The following ANK3 variants were observed in gnomAD, a reference collection of about 807,000 sequenced individuals.
The protein encoded by ANK3 is ankyrin-3.
Under a neutral mutation model 370.9 loss-of-function variants are expected in ANK3, and 57 were observed. The observed-to-expected ratio is 0.15, with a 90% CI of 0.12 to 0.19. The LOEUF (loss-of-function observed/expected upper bound fraction) is 0.19, where lower values mean the gene tolerates loss of function less well. Ranked by LOEUF, ANK3 falls within the 10% of genes least tolerant of loss-of-function variation. The pLI is 1.00. For missense variants in ANK3, 4,439 were observed against 5,302.1 expected, an observed-to-expected ratio of 0.84 and a Z score of 5.06; for synonymous variants, 1,929 against 1,946.3, an observed-to-expected ratio of 0.99 and a Z score of 0.23.
Position 60,483,776 on chromosome 10 carries a change from C to T in ANK3, c.96+131410G>A, listed in dbSNP as rs12218048. 6.0e-4 allele frequency among the ~76,000 whole-genome samples: 92 copies of T among 152,286 alleles called. No homozygotes were observed. In the East Asian group the frequency reaches 0.017, roughly 28 times the overall value. The stretch of plus-strand genomic sequence containing the variant: ...ATGGGCCCATGTCAGCTACACACTC[C>T]ACGTGCTTGTCTATACCGCCGAACA... On this transcript the variant is annotated intron_variant, in intron 2 of 43. Transcript: ENST00000373827.
chr10:60,450,993 G>T (rs1298679721), intron 2 of ANK3, among the ~76,000 whole-genome samples: 1 of 152,188 alleles, frequency 6.6e-6, no homozygotes, highest in African/African-American at 2.4e-5. Flanking sequence ...CTTGAGAAGA[G>T]ATTATCCTGG....
At chr10:60,682,396 C>CA (rs2079207817) in intron 1 of ANK3, among the ~76,000 whole-genome samples, 2 of 86,938 alleles carry the variant, frequency 2.3e-5, no homozygotes, top group South Asian at 1.4e-3. Context: ...CTCCGAGCCT[C>CA]ATTTTTTTTT....
intron 28 of ANK3, among the ~76,000 whole-genome samples, chr10:60,093,020 G>C (rs1484763703): frequency 6.6e-6 from 1 of 152,222 alleles, no homozygotes; most frequent in Non-Finnish European, 1.5e-5. Context: ...ACAGGTGTGA[G>C]CCACTGCACC....
chr10:60,036,504 A>C (rs912598514), intron 43 of ANK3, among the ~76,000 whole-genome samples: 1 of 132,880 alleles, frequency 7.5e-6, no homozygotes, highest in East Asian at 2.3e-4. Context: ...GGCAAGATCT[A>C]GGCTCACTGA....
intron 42 of ANK3, among the ~76,000 whole-genome samples, chr10:60,051,926 A>G (rs1420603421): frequency 3.3e-5 from 5 of 152,024 alleles, no homozygotes; most frequent in Non-Finnish European, 5.9e-5. Context: ...ATCTATATTC[A>G]TCTACCATGA....
intron 1 of ANK3, among the ~76,000 whole-genome samples, chr10:60,699,182 C>T (rs564617246): frequency 6.6e-6 from 1 of 151,774 alleles, no homozygotes; most frequent in Admixed American, 6.6e-5. Flanking sequence ...GCAGTGTGTA[C>T]TGCTCGGGTG....
At chr10:60,036,133 T>C (rs1025577359) in intron 43 of ANK3, among the ~76,000 whole-genome samples, 1 of 152,110 alleles carries the variant, frequency 6.6e-6, no homozygotes, top group African/African-American at 2.4e-5. Context: ...TGTACTAACT[T>C]CCTAGGGCTA....
chr10:60,217,486 T>G (rs913350807), intron 8 of ANK3, among the ~76,000 whole-genome samples: 3 of 152,178 alleles, frequency 2.0e-5, no homozygotes, highest in Non-Finnish European at 4.4e-5. Context: ...TCAAAGAACT[T>G]CTTGATTTCT....
At position 60,166,757 on chromosome 10, in the gene ANK3, T is replaced by G. The variant is rs1475899154; in HGVS notation, c.2551+67A>C. On this transcript the variant is annotated intron_variant, in intron 22 of 43. Coordinates refer to ENST00000280772, the MANE Select transcript of ANK3 (RefSeq NM_020987.5). ...TGATAAACATTTTTGCAATGGACTT[T>G]CTTCAGGAAACAAACAAAATACACA... The G allele has an allele frequency of 3.1e-6, 5 of 1,594,296 alleles. No individual in the cohort carries two copies. The African/African-American group carries it at 6.7e-5, about 21-fold the overall frequency.
intron 23 of ANK3, chr10:60,140,985 C>T: frequency 1.0e-6 from 1 of 985,436 alleles, no homozygotes; most frequent in Non-Finnish European, 1.2e-6. Context: ...TGGCATGGAG[C>T]TCCAGGCAAA....
At chr10:60,356,294 CT>C (rs1402345245) in intron 1 of ANK3, among the ~76,000 whole-genome samples, 1 of 152,216 alleles carries the variant, frequency 6.6e-6, no homozygotes, top group Non-Finnish European at 1.5e-5. Flanking sequence ...CTAAAGTCAT[CT>C]GGGAGCTGAG....
At chr10:60,403,561 A>C (rs916166368) in intron 2 of ANK3, among the ~76,000 whole-genome samples, 1 of 152,206 alleles carries the variant, frequency 6.6e-6, no homozygotes, top group East Asian at 1.9e-4. Context: ...GACTGACAAA[A>C]GTATTGGCCC....
At chr10:60,142,313 A>G (rs1293394384) in intron 23 of ANK3, among the ~76,000 whole-genome samples, 1 of 151,718 alleles carries the variant, frequency 6.6e-6, no homozygotes, top group Non-Finnish European at 1.5e-5. Flanking sequence ...CTAATCTTTG[A>G]CTCTTTCTAG....
At chr10:60,608,932 C>G (rs528518867) in intron 2 of ANK3, among the ~76,000 whole-genome samples, 2 of 152,274 alleles carry the variant, frequency 1.3e-5, no homozygotes, top group South Asian at 4.1e-4. Context: ...TCACCAAGTT[C>G]TTGTCTACTG....
At chr10:60,479,411 G>C (rs2075153994) in intron 2 of ANK3, among the ~76,000 whole-genome samples, 1 of 152,050 alleles carries the variant, frequency 6.6e-6, no homozygotes, top group African/African-American at 2.4e-5. Context: ...TGTGTAGTAG[G>C]CTATACCATC....
intron 2 of ANK3, among the ~76,000 whole-genome samples, chr10:60,431,563 A>T (rs956159849): frequency 1.3e-5 from 2 of 152,312 alleles, no homozygotes; most frequent in Middle Eastern, 3.4e-3. Flanking sequence ...CATCATTAAA[A>T]TATAAATTAC....
intron 2 of ANK3, among the ~76,000 whole-genome samples, chr10:60,454,214 A>C (rs1324002513): frequency 6.6e-6 from 1 of 152,070 alleles, no homozygotes; most frequent in East Asian, 1.9e-4. Context: ...GAAACTTCTC[A>C]AGAACTGTGT....
intron 1 of ANK3, among the ~76,000 whole-genome samples, chr10:60,698,788 A>T (rs899848240): frequency 2.0e-5 from 3 of 147,686 alleles, no homozygotes; most frequent in Non-Finnish European, 4.5e-5. Context: ...GCATTAGGAG[A>T]TATACCTAAT....
At chr10:60,196,059 G>T in intron 16 of ANK3, 86 bp downstream of exon 16, 1 of 1,171,172 alleles carries the variant, frequency 8.5e-7, no homozygotes, top group Non-Finnish European at 1.2e-6. Flanking sequence ...CTAGGAGGGT[G>T]CTCCTGCTGA....
Sources: allele counts gnomAD v4.1 joint callset (sites outside exome capture counted in the v4.1 genomes callset), GRCh38; gene constraint gnomAD v4.1.1; transcripts MANE v1.5; gene names NCBI Gene and HGNC (gene_info 2026-07-23, HGNC 2026-07-21).